PLPP4: variants seen among roughly 807,000 people sequenced by gnomAD.
PLPP4 encodes the protein diacylglycerol pyrophosphate like 2.
A neutral mutation model predicts 32.2 loss-of-function variants in PLPP4; 20 were observed. The ratio of observed to expected loss-of-function variants is 0.62; its 90% CI spans 0.44 to 0.90. PLPP4 has a LOEUF of 0.90. Ranked by LOEUF, PLPP4 falls within the 40% of genes least tolerant of loss-of-function variation. The probability of loss-of-function intolerance (pLI) is 0.00; values close to 1 mark genes in which losing one functional copy is unlikely to be tolerated. For missense variants in PLPP4, 257 were observed against 353.1 expected (o/e 0.73, Z 2.18); for synonymous variants, 127 against 133.0 (o/e 0.95, Z 0.31).
intron 1 of PLPP4, among the ~76,000 whole-genome samples, chr10:120,476,904 C>T (rs1232221807): frequency 6.6e-6 from 1 of 152,180 alleles, no homozygotes; most frequent in Non-Finnish European, 1.5e-5. Context: ...TACCCTTCTT[C>T]TTGCCCCTGT....
Position 120,589,733 on chromosome 10 carries a change from C to T in PLPP4, c.*231C>T, listed in dbSNP as rs1164364360. 7.7e-6 allele frequency: 4 copies of T among 517,646 alleles called. No individual in the cohort carries two copies. The highest frequency in any genetic ancestry group is 1.4e-5 in the Non-Finnish European group (4 of 293,446). The allele number at this position is 517,646 out of a possible 1,614,324, so 32.1% of individuals were successfully genotyped here. A position where few individuals can be genotyped will look rare whatever the true frequency, so the allele number is the denominator to read the frequency against. ...ATCTCTGAGAGACGTGTGGAAGAGG[C>T]TGTGAAGGTGGGGTTTGGGGAGCTT... On this transcript the variant is annotated 3_prime_UTR_variant, in exon 7 of 7. Transcript: ENST00000398250.
intron 5 of PLPP4, among the ~76,000 whole-genome samples, chr10:120,566,643 C>T (rs1848705734): frequency 6.6e-6 from 1 of 151,962 alleles, no homozygotes; most frequent in Non-Finnish European, 1.5e-5. Flanking sequence ...CCACCTCCAC[C>T]TCCCGAGTTC....
chr10:120,586,851 A>T (rs1463606357), intron 6 of PLPP4, among the ~76,000 whole-genome samples: 1 of 152,106 alleles, frequency 6.6e-6, no homozygotes, highest in Non-Finnish European at 1.5e-5. Context: ...TAACTGGGAG[A>T]CTTGGTCTAG....
chr10:120,486,695 A>T (rs1844473662), intron 1 of PLPP4, among the ~76,000 whole-genome samples: 1 of 152,174 alleles, frequency 6.6e-6, no homozygotes, highest in Non-Finnish European at 1.5e-5. Flanking sequence ...GCCATTGCTT[A>T]TTGGCTTCCT....
intron 1 of PLPP4, among the ~76,000 whole-genome samples, chr10:120,498,408 A>C: frequency 6.6e-6 from 1 of 152,320 alleles, no homozygotes; most frequent in East Asian, 1.9e-4. Flanking sequence ...AGTGTCATTA[A>C]ATAGCATTTT....
At position 120,500,636 on chromosome 10, in the gene PLPP4, C is replaced by T. The variant is rs1413729177; in HGVS notation, c.57-3182C>T. Among the ~76,000 whole-genome samples, 9 of 147,456 alleles carry T rather than the reference C, an allele frequency of 6.1e-5. No homozygotes were observed. The Admixed American group carries it at 6.1e-4, about 10-fold the overall frequency. On this transcript the variant is annotated intron_variant, in intron 1 of 6. Transcript: ENST00000398250. ...AGCCAGTAGCTATGAATAATTCTGA[C>T]CACCCTGAGCCCACAGTGCTAGAGA...
rs1849950568 is a variant in PLPP4 at position 120,590,188 on chromosome 10, T to C, written c.*686T>C. Among the ~76,000 whole-genome samples, 1 of 152,232 alleles carries C rather than the reference T, an allele frequency of 6.6e-6. No individual in the cohort carries two copies. Among genetic ancestry groups the C allele is most frequent in the Non-Finnish European group, 1.5e-5 (1 of 68,040 alleles). On this transcript the variant is annotated 3_prime_UTR_variant, in exon 7 of 7. Transcript: ENST00000398250. ...GTCACAGCAGTTGCCTGAGGGTTCA[T>C]GGGCACAATATCCTTCCCATCTTCC...
chr10:120,547,366 A>G (rs1349624220), intron 5 of PLPP4, among the ~76,000 whole-genome samples: 1 of 152,200 alleles, frequency 6.6e-6, no homozygotes, highest in Non-Finnish European at 1.5e-5. Context: ...ACAGCATATT[A>G]TAAACTTGCA....
chr10:120,459,401 A>C (rs1463796255), intron 1 of PLPP4, among the ~76,000 whole-genome samples: 2 of 152,218 alleles, frequency 1.3e-5, no homozygotes, highest in Non-Finnish European at 2.9e-5. Flanking sequence ...AGATGCTGTT[A>C]GTATCAGGCA....
rs201820001 is a variant in PLPP4, at chr10:120,501,317, T to C, written c.57-2501T>C. ...AATTTATTTCATTTCATTTCATGTC[T>C]TAAAAACACTTGGGAGCAGGGAGTA... On this transcript the variant is annotated intron_variant, in intron 1 of 6. Coordinates refer to ENST00000398250, the MANE Select transcript of PLPP4 (RefSeq NM_001030059.3). 4.3e-4 allele frequency among the ~76,000 whole-genome samples: 32 copies of C among 74,952 alleles called. No individual in the cohort carries two copies. The South Asian group carries it at 0.012, about 27-fold the overall frequency. The allele number at this position is 74,952 out of a possible 152,430, so 49.2% of individuals were successfully genotyped here.
chr10:120,541,509 T>G (rs886937716), intron 5 of PLPP4, among the ~76,000 whole-genome samples: 8 of 152,206 alleles, frequency 5.3e-5, no homozygotes, highest in Non-Finnish European at 8.8e-5. Flanking sequence ...ATTTCCCCAC[T>G]GAAAGGTACT....
At chr10:120,463,849 C>G (rs1848189404) in intron 1 of PLPP4, among the ~76,000 whole-genome samples, 1 of 152,148 alleles carries the variant, frequency 6.6e-6, no homozygotes, top group African/African-American at 2.4e-5. Context: ...GAGTCTTGCT[C>G]TGTCGCCCAG....
At chr10:120,547,666 A>G (rs1847693181) in intron 5 of PLPP4, among the ~76,000 whole-genome samples, 2 of 152,144 alleles carry the variant, frequency 1.3e-5, no homozygotes, top group African/African-American at 4.8e-5. Flanking sequence ...ATCTGTATTT[A>G]TCGCAGTTTC....
At chr10:120,504,004 A>G in intron 2 of PLPP4, 78 bp downstream of exon 2, 2 of 991,772 alleles carry the variant, frequency 2.0e-6, no homozygotes, top group South Asian at 1.4e-5. Context: ...TTGTTTTTCT[A>G]ACCCTGAAGA....
intron 6 of PLPP4, among the ~76,000 whole-genome samples, chr10:120,584,329 C>G (rs1849655944): frequency 6.6e-6 from 1 of 152,172 alleles, no homozygotes; most frequent in African/African-American, 2.4e-5. Context: ...ATGGTGCTTA[C>G]CATAGCTGCA....
chr10:120,562,705 T>C, intron 5 of PLPP4, among the ~76,000 whole-genome samples: 1 of 152,246 alleles, frequency 6.6e-6, no homozygotes, highest in Non-Finnish European at 1.5e-5. Context: ...TTAAACCTGC[T>C]TTAATTCCTG....
At chr10:120,478,419 A>G (rs753104570) in intron 1 of PLPP4, among the ~76,000 whole-genome samples, 6 of 152,318 alleles carry the variant, frequency 3.9e-5, no homozygotes, top group Non-Finnish European at 7.3e-5. Context: ...GCTTTTAAAC[A>G]ACTTATCTTT....
At position 120,474,838 on chromosome 10, in the gene PLPP4, T is replaced by C. The variant is rs1450638766; in HGVS notation, c.56+17477T>C. On this transcript the variant is annotated intron_variant, in intron 1 of 6. Transcript: ENST00000398250. ...TAGTTAAGGCAATTTACTCCTTGAC[T>C]ATTCAAACAACTCTATAAGGTAGGA... 2.6e-5 allele frequency among the ~76,000 whole-genome samples: 4 copies of C among 152,254 alleles called. No homozygotes were observed. In the East Asian group the frequency reaches 7.7e-4, roughly 29 times the overall value.
chr10:120,550,007 T>C (rs1847813142), intron 5 of PLPP4, among the ~76,000 whole-genome samples: 1 of 151,836 alleles, frequency 6.6e-6, no homozygotes, highest in Non-Finnish European at 1.5e-5. Flanking sequence ...GACAATAAAA[T>C]AAAATAAAAG....
Sources: gnomAD v4.1 joint callset for allele counts (sites outside exome capture counted in the v4.1 genomes callset) on GRCh38, gnomAD v4.1.1 for gene constraint, MANE v1.5 for transcripts, NCBI Gene and HGNC (gene_info 2026-07-23, HGNC 2026-07-21) for gene names.